The following GPR158 variants were observed in gnomAD, a reference collection of about 807,000 sequenced individuals.
GPR158 encodes metabotropic glycine receptor.
In GPR158, 30 loss-of-function variants were observed where a neutral mutation model predicts 78.2. That is an observed-to-expected ratio of 0.38 (90% confidence interval 0.29 to 0.52). The LOEUF is 0.52. Among genes scored for constraint, GPR158 ranks in the 20% least tolerant of loss-of-function variants. The pLI, the probability that GPR158 is intolerant of heterozygous loss-of-function variation, is 0.83. For missense variants in GPR158, 1,463 were observed against 1,523.5 expected, an observed-to-expected ratio of 0.96 and a Z score of 0.66; for synonymous variants, 581 against 591.1, an observed-to-expected ratio of 0.98 and a Z score of 0.25.
At chr10:25,484,458 G>T (rs1034000932) in intron 5 of GPR158, among the ~76,000 whole-genome samples, 1 of 152,166 alleles carries the variant, frequency 6.6e-6, no homozygotes, top group East Asian at 1.9e-4. Context: ...AGATTCAGTG[G>T]TGATGTGAAG....
intron 2 of GPR158, among the ~76,000 whole-genome samples, chr10:25,372,516 T>C (rs747134399): frequency 0.011 from 1,603 of 145,606 alleles, 8 homozygotes; most frequent in Non-Finnish European, 0.016. Flanking sequence ...CACCATGGAA[T>C]ACTATGCAGC....
At chr10:25,213,523 A>G (rs1193038941) in intron 1 of GPR158, among the ~76,000 whole-genome samples, 1 of 152,020 alleles carries the variant, frequency 6.6e-6, no homozygotes, top group Non-Finnish European at 1.5e-5. Context: ...TTTAGCCCAT[A>G]TTTCCTTTAA....
chr10:25,208,568 G>A (rs1381340093), intron 1 of GPR158, among the ~76,000 whole-genome samples: 3 of 144,068 alleles, frequency 2.1e-5, no homozygotes, highest in Admixed American at 2.0e-4. Flanking sequence ...TTGTGTGTGT[G>A]TGTGTGTGTG....
intron 5 of GPR158, among the ~76,000 whole-genome samples, chr10:25,544,933 C>T (rs1033660638): frequency 5.9e-5 from 9 of 152,180 alleles, no homozygotes; most frequent in African/African-American, 2.2e-4. Flanking sequence ...GTTCAACTCT[C>T]ACTTATATGT....
At chr10:25,314,945 A>G (rs1417135167) in intron 2 of GPR158, among the ~76,000 whole-genome samples, 1 of 148,960 alleles carries the variant, frequency 6.7e-6, no homozygotes, top group Non-Finnish European at 1.5e-5. Context: ...AGGAGGAAGG[A>G]CATTTTGTAT....
intron 2 of GPR158, among the ~76,000 whole-genome samples, chr10:25,297,513 G>A (rs1047495358): frequency 2.0e-5 from 3 of 151,882 alleles, no homozygotes; most frequent in East Asian, 3.9e-4. Context: ...AAGCATAAAC[G>A]TTTTTTTTAC....
intron 5 of GPR158, among the ~76,000 whole-genome samples, chr10:25,499,341 A>G (rs1035143172): frequency 1.3e-5 from 2 of 152,136 alleles, no homozygotes; most frequent in African/African-American, 2.4e-5. Flanking sequence ...CCCTTTTGCA[A>G]AGTCTCCTGA....
chr10:25,229,350 G>A (rs1360161552), intron 2 of GPR158, among the ~76,000 whole-genome samples: 1 of 152,122 alleles, frequency 6.6e-6, no homozygotes, highest in Non-Finnish European at 1.5e-5. Context: ...AGTAGGAAGT[G>A]GATGGATTCA....
intron 2 of GPR158, among the ~76,000 whole-genome samples, chr10:25,338,411 C>T (rs1162246073): frequency 2.2e-5 from 3 of 138,506 alleles, no homozygotes; most frequent in African/African-American, 8.4e-5. Context: ...TTATATATAA[C>T]GTATTATATA....
intron 2 of GPR158, among the ~76,000 whole-genome samples, chr10:25,298,929 C>T (rs111583431): frequency 0.013 from 1,908 of 152,192 alleles, 47 homozygotes; most frequent in African/African-American, 0.043. Flanking sequence ...CTTTAAGTTT[C>T]GTTCTTGTAC....
intron 5 of GPR158, among the ~76,000 whole-genome samples, chr10:25,495,321 G>A (rs1314337762): frequency 1.4e-5 from 1 of 71,924 alleles, no homozygotes; most frequent in Admixed American, 1.9e-4. Context: ...TTTTTGAGAC[G>A]GAGTCTTGCC....
chr10:25,266,367 T>G (rs1815066613), intron 2 of GPR158, among the ~76,000 whole-genome samples: 1 of 152,184 alleles, frequency 6.6e-6, no homozygotes, highest in Admixed American at 6.6e-5. Flanking sequence ...GTGGAATGGA[T>G]GCCTTTGTGG....
At chr10:25,204,387 G>C (rs1253543642) in intron 1 of GPR158, among the ~76,000 whole-genome samples, 1 of 152,030 alleles carries the variant, frequency 6.6e-6, no homozygotes, top group Admixed American at 6.6e-5. Context: ...ATTGGCTGTG[G>C]GTTTGTCATA....
chr10:25,400,734 A>T (rs1428897992), intron 3 of GPR158, among the ~76,000 whole-genome samples: 1 of 152,032 alleles, frequency 6.6e-6, no homozygotes, highest in Non-Finnish European at 1.5e-5. Context: ...CTTCAGTGAA[A>T]CTGCTTTTAT....
At chr10:25,326,060 T>C (rs528973148) in intron 2 of GPR158, among the ~76,000 whole-genome samples, 2 of 152,318 alleles carry the variant, frequency 1.3e-5, no homozygotes, top group East Asian at 1.9e-4. Flanking sequence ...ATCACCTACA[T>C]AGTTAAGGCC....
At position 25,229,946 on chromosome 10, in the gene GPR158, A is replaced by G. The variant is rs187643801; in HGVS notation, c.1008+8789A>G. Among the ~76,000 whole-genome samples the G allele has an allele frequency of 1.8e-4, 28 of 152,302 alleles. No individual in the cohort carries two copies. The East Asian group carries it at 3.5e-3, about 19-fold the overall frequency. On this transcript the variant is annotated intron_variant, in intron 2 of 10. Transcript: ENST00000376351. ...CCTGGATTTGTTTAAGTCTAAGGCT[A>G]TATATTAGGAAGTGATTGAATGGAC...
At chr10:25,456,059 A>T (rs886267948) in intron 4 of GPR158, among the ~76,000 whole-genome samples, 2 of 152,180 alleles carry the variant, frequency 1.3e-5, no homozygotes, top group African/African-American at 4.8e-5. Flanking sequence ...CTTTGCATCT[A>T]AATAACAATC....
chr10:25,376,492 T>A (rs1017063333), intron 2 of GPR158, among the ~76,000 whole-genome samples: 2 of 151,680 alleles, frequency 1.3e-5, no homozygotes, highest in African/African-American at 4.8e-5. Context: ...TTTACACAAG[T>A]CTTCTCTGAG....
At chr10:25,400,456 G>C (rs1305041112) in intron 3 of GPR158, among the ~76,000 whole-genome samples, 1 of 152,072 alleles carries the variant, frequency 6.6e-6, no homozygotes, top group African/African-American at 2.4e-5. Context: ...CAAATGACTC[G>C]TGAAGACCAA....
Sources: allele counts gnomAD v4.1 joint callset (sites outside exome capture counted in the v4.1 genomes callset), GRCh38; gene constraint gnomAD v4.1.1; transcripts MANE v1.5; gene names NCBI Gene and HGNC (gene_info 2026-07-23, HGNC 2026-07-21).